Variants in TGFBI observed in about 807,000 individuals in gnomAD.
The protein encoded by TGFBI is transforming growth factor beta induced.
A neutral mutation model predicts 73.7 loss-of-function variants in TGFBI; 50 were observed. The ratio of observed to expected loss-of-function variants is 0.68; its 90% CI spans 0.54 to 0.86. The LOEUF (loss-of-function observed/expected upper bound fraction) is 0.86, where lower values mean the gene tolerates loss of function less well. TGFBI is among the 40% of genes least tolerant of loss of function. The probability of loss-of-function intolerance (pLI) is 0.00; values close to 1 mark genes in which losing one functional copy is unlikely to be tolerated. For missense variants in TGFBI, 839 were observed against 877.0 expected (o/e 0.96, Z 0.55); for synonymous variants, 362 against 360.5 (o/e 1.00, Z -0.05).
chr5:136,049,270 C>T lies in TGFBI; in HGVS notation c.772-169C>T, dbSNP rs1265804648. The T allele has an allele frequency of 1.8e-5, 15 of 828,166 alleles. No individual in the cohort carries two copies. The East Asian group carries it at 3.9e-4, about 21-fold the overall frequency. The allele number at this position is 828,166 out of a possible 1,614,324, so 51.3% of individuals were successfully genotyped here. A position where few individuals can be genotyped will look rare whatever the true frequency, so the allele number is the denominator to read the frequency against. On this transcript the variant is annotated intron_variant, in intron 6 of 16. Coordinates refer to ENST00000442011, the MANE Select transcript of TGFBI (RefSeq NM_000358.3). ...TGGCTGGAGCTCAGGCCCAGCAAGGCCCCCTGGGGGCCATGGTCATGGGTG... is the reference window on the plus strand; with the variant it reads ...TGGCTGGAGCTCAGGCCCAGCAAGGTCCCCTGGGGGCCATGGTCATGGGTG...
intron 7 of TGFBI, among the ~76,000 whole-genome samples, chr5:136,050,677 T>C (rs1751518279): frequency 6.6e-6 from 1 of 152,236 alleles, no homozygotes; most frequent in African/African-American, 2.4e-5. Flanking sequence ...TTGATTTCTT[T>C]TGAATCTATT....
chr5:136,063,159 T>C lies in TGFBI; in HGVS notation c.2012-27T>C, dbSNP rs1030636898. 9 of 1,610,528 alleles carry C rather than the reference T, an allele frequency of 5.6e-6. No homozygotes were observed. The African/African-American group carries it at 1.1e-4, about 19-fold the overall frequency. On this transcript the variant is annotated intron_variant, in intron 16 of 16. Transcript: ENST00000442011. ...CAGACATGGGGAGATCTGCACCTAT[T>C]TGACGTTACCAACTTCTCTTTTTCA...
chr5:136,032,250 C>T (rs1421689537), intron 1 of TGFBI, among the ~76,000 whole-genome samples: 2 of 152,166 alleles, frequency 1.3e-5, no homozygotes, highest in African/African-American at 2.4e-5. Context: ...GCCTTCACTT[C>T]TCTTGTCCCT....
rs1216036787 is a variant in TGFBI, at chr5:136,033,971, A to T, written c.233+110A>T. The T allele has an allele frequency of 3.3e-6, 3 of 896,640 alleles. No individual in the cohort carries two copies. The Admixed American group carries it at 6.0e-5, about 18-fold the overall frequency. 55.5% of individuals were successfully genotyped at this position (896,640 alleles called of 1,614,324 possible). On this transcript the variant is annotated intron_variant, in intron 2 of 16. Transcript: ENST00000442011. ...TCAGGTTGCCTAAAAAGCCATGAAG[A>T]TGCATGTGCGAACATGTCTGGGACC...
At chr5:136,029,599 C>T (rs1751078462) in intron 1 of TGFBI, among the ~76,000 whole-genome samples, 2 of 152,230 alleles carry the variant, frequency 1.3e-5, no homozygotes, top group African/African-American at 4.8e-5. Context: ...CCCAGCCAGG[C>T]CCCCGGCCAG....
intron 1 of TGFBI, among the ~76,000 whole-genome samples, chr5:136,032,690 G>A (rs1751142817): frequency 6.6e-6 from 1 of 152,074 alleles, no homozygotes. Context: ...TTGTGATTCA[G>A]TCAGATGCAT....
rs1369894225 is a variant in TGFBI, at chr5:136,055,769, C to A, written c.1500C>A (p.Pro500=). Residue 500 remains proline (P), a synonymous_variant, in exon 11 of 17, where the codon CCC becomes CCA. Coordinates refer to ENST00000442011, the MANE Select transcript of TGFBI (RefSeq NM_000358.3). The part of the protein sequence containing the change: ...TLFTMDRVLT[P]PMGTVMDVLK... The stretch of plus-strand genomic sequence containing the variant: ...TCACGATGGACCGGGTGCTGACCCC[C>A]CCAATGGGGACTGTCATGGATGTCC... 1 of 1,612,702 alleles carries A rather than the reference C, an allele frequency of 6.2e-7. No homozygotes were observed. The highest frequency in any genetic ancestry group is 1.1e-5 in the South Asian group (1 of 90,808).
chr5:136,044,197 A>C, intron 3 of TGFBI, 75 bp downstream of exon 3: 2 of 1,307,534 alleles, frequency 1.5e-6, no homozygotes, highest in Non-Finnish European at 2.2e-6. Context: ...ACCCACATAA[A>C]AGGCAGCAGA....
chr5:136,039,684 C>A (rs964645816), intron 2 of TGFBI, among the ~76,000 whole-genome samples: 1 of 152,214 alleles, frequency 6.6e-6, no homozygotes, highest in African/African-American at 2.4e-5. Flanking sequence ...TACAGATTGC[C>A]ACAAATAAAG....
Position 136,053,929 on chromosome 5 carries a change from C to A in TGFBI, c.1127-14C>A. 1 of 1,612,020 alleles carries A rather than the reference C, an allele frequency of 6.2e-7. No homozygotes were observed. Among genetic ancestry groups the A allele is most frequent in the Non-Finnish European group, 8.5e-7 (1 of 1,178,146 alleles). ...CGCTTTTAACTTTTGAACCCACTTT[C>A]TCCTTCCTTGTAGCCAAGACACTAT... On this transcript the variant is annotated splice_polypyrimidine_tract_variant and intron_variant, in intron 8 of 16. Transcript: ENST00000442011.
intron 2 of TGFBI, among the ~76,000 whole-genome samples, chr5:136,035,516 T>A (rs1282451315): frequency 2.0e-5 from 3 of 150,656 alleles, no homozygotes; most frequent in Admixed American, 6.6e-5. Context: ...TCCCAGCTAC[T>A]CGGGAGGCTG....
At position 136,047,326 on chromosome 5, in the gene TGFBI, A is replaced by G. The variant is rs2126909622; in HGVS notation, c.677A>G (p.Asn226Ser). 2 of 1,613,846 alleles carry G rather than the reference A, an allele frequency of 1.2e-6. No homozygotes were observed. Among genetic ancestry groups the G allele is most frequent in the Non-Finnish European group, 1.7e-6 (2 of 1,179,854 alleles). ...CTGAAAGCCGACCACCATGCAACCA[A>G]CGGGGTGGTGCACCTCATCGATAAG... is the stretch of plus-strand genomic sequence containing the variant. Reference protein sequence around the residue: ...RLLKADHHATNGVVHLIDKVI... With the variant: ...RLLKADHHATSGVVHLIDKVI... Residue 226 changes from asparagine to serine, a missense_variant, in exon 6 of 17, where the codon AAC becomes AGC. Coordinates refer to ENST00000442011, the MANE Select transcript of TGFBI (RefSeq NM_000358.3).
chr5:136,046,794 C>G (rs747998938), intron 4 of TGFBI, 57 bp from the exon 5 acceptor site: 106 of 1,559,774 alleles, frequency 6.8e-5, no homozygotes, highest in Non-Finnish European at 8.9e-5. Flanking sequence ...TTGCAAGGAC[C>G]CATCTCTTAA....
intron 2 of TGFBI, among the ~76,000 whole-genome samples, chr5:136,040,740 C>A (rs1751317368): frequency 6.6e-6 from 1 of 152,232 alleles, no homozygotes; most frequent in Non-Finnish European, 1.5e-5. Flanking sequence ...GATTCAGAAA[C>A]CAACAGATTG....
At chr5:136,030,853 G>A (rs953771154) in intron 1 of TGFBI, among the ~76,000 whole-genome samples, 2 of 152,142 alleles carry the variant, frequency 1.3e-5, no homozygotes, top group Non-Finnish European at 2.9e-5. Flanking sequence ...ACCTGTAAGG[G>A]CATCTCTCTG....
intron 6 of TGFBI, 164 bp downstream of exon 6, chr5:136,047,584 C>T (rs1751454447): frequency 1.5e-5 from 12 of 815,386 alleles, no homozygotes; most frequent in Non-Finnish European, 2.3e-5. Flanking sequence ...ATTGACCAGA[C>T]ATTCAGCTTG....
chr5:136,029,052 C>T lies in TGFBI; in HGVS notation c.-4C>T. On this transcript the variant is annotated 5_prime_UTR_variant, in exon 1 of 17. Coordinates refer to ENST00000442011, the MANE Select transcript of TGFBI (RefSeq NM_000358.3). ...AGCTCGCTCGGTGCGCGTCGTCCCG[C>T]TCCATGGCGCTCTTCGTGCGGCTGC... 1 of 1,526,446 alleles carries T rather than the reference C, an allele frequency of 6.6e-7. No homozygotes were observed. Among genetic ancestry groups the T allele is most frequent in the Non-Finnish European group, 8.7e-7 (1 of 1,143,696 alleles). 94.6% of individuals were successfully genotyped at this position (1,526,446 alleles called of 1,614,324 possible). A position where few individuals can be genotyped will look rare whatever the true frequency, so the allele number is the denominator to read the frequency against.
chr5:136,053,896 G>T, intron 8 of TGFBI, 47 bp from the exon 9 acceptor site: 1 of 1,608,224 alleles, frequency 6.2e-7, no homozygotes, highest in Non-Finnish European at 8.5e-7. Context: ...AATGATAAAT[G>T]AAAACAGCGC....
At chr5:136,050,334 GAAAA>G (rs10706409) in intron 7 of TGFBI, among the ~76,000 whole-genome samples, 98 of 131,472 alleles carry the variant, frequency 7.5e-4, no homozygotes, top group African/African-American at 1.8e-3. Flanking sequence ...TCCGTCTCAA[GAAAA>G]AAAAAAAAAA....
Sources: gnomAD v4.1 joint callset for allele counts (sites outside exome capture counted in the v4.1 genomes callset) on GRCh38, gnomAD v4.1.1 for gene constraint, MANE v1.5 for transcripts, NCBI Gene and HGNC (gene_info 2026-07-23, HGNC 2026-07-21) for gene names.